The following INTU variants were observed in gnomAD, a reference collection of about 807,000 sequenced individuals.
INTU encodes the protein protein inturned.
Under a neutral mutation model 100.5 loss-of-function variants are expected in INTU, and 68 were observed. That is an observed-to-expected ratio of 0.68 (90% CI 0.56 to 0.83). The LOEUF is 0.83. Ranked by LOEUF, INTU falls within the 40% of genes least tolerant of loss-of-function variation. The probability of loss-of-function intolerance (pLI) is 0.00; values close to 1 mark genes in which losing one functional copy is unlikely to be tolerated. For synonymous variants in INTU, 357 were observed against 395.7 expected (o/e 0.90, Z 1.16); for missense variants, 1,071 against 1,114.7 (o/e 0.96, Z 0.56).
At position 127,700,013 on chromosome 4, in the gene INTU, G is replaced by C; in HGVS notation, c.1453G>C (p.Glu485Gln). Reference sequence around the variant, plus strand: ...TCTTTTTTTTTTTTTAACATAGATGGAATTAGACATGGCATTAAGTGACTT... The same window carrying C: ...TCTTTTTTTTTTTTTAACATAGATGCAATTAGACATGGCATTAAGTGACTT... The part of the protein sequence containing the change: ...WLTLPLEIKM[E>Q]LDMALSDLEA... Residue 485 changes from glutamate (E) to glutamine (Q), a missense_variant, in exon 9 of 16, where the codon GAA (glutamate) becomes CAA (glutamine). By Grantham distance (29) the Glu-to-Gln change is conservative. Transcript: ENST00000335251. 6.3e-7 allele frequency: 1 copy of C among 1,590,762 alleles called. No homozygotes were observed. Among genetic ancestry groups the C allele is most frequent in the Non-Finnish European group, 8.6e-7 (1 of 1,169,356 alleles).
chr4:127,683,534 G>T (rs576283431), intron 6 of INTU, among the ~76,000 whole-genome samples: 1 of 152,040 alleles, frequency 6.6e-6, no homozygotes, highest in African/African-American at 2.4e-5. Context: ...TTTTCTCCTC[G>T]TCCATCTCAG....
chr4:127,687,922 G>C, intron 8 of INTU, 55 bp downstream of exon 8: 1 of 1,170,902 alleles, frequency 8.5e-7, no homozygotes, highest in Non-Finnish European at 1.2e-6. Flanking sequence ...TTATAATCTT[G>C]TATCTTCTCT....
At position 127,633,134 on chromosome 4, in the gene INTU, C is replaced by T; in HGVS notation, c.100C>T (p.Arg34Trp). 1 of 1,613,968 alleles carries T rather than the reference C, an allele frequency of 6.2e-7. No individual in the cohort carries two copies. The highest frequency in any genetic ancestry group is 1.3e-5 in the African/African-American group (1 of 75,030). ...AGATGAGGACTATGATTTTGAAGAT[C>T]GGGTCAGCGACTCGGGTTCATATTC... ...EEDEDYDFED[R>W]VSDSGSYSSA... Residue 34 changes from arginine to tryptophan, a missense_variant, in exon 1 of 16, where the codon CGG becomes TGG. Arg to Trp is a moderately radical substitution (Grantham distance 101, BLOSUM62 -3). Transcript: ENST00000335251.
intron 9 of INTU, among the ~76,000 whole-genome samples, chr4:127,703,514 AT>A (rs2148729000): frequency 6.6e-6 from 1 of 152,272 alleles, no homozygotes; most frequent in South Asian, 2.1e-4. Context: ...TGGGGATGCT[AT>A]TTTTAACAAA....
chr4:127,683,345 T>C (rs1368993366), intron 6 of INTU, among the ~76,000 whole-genome samples: 2 of 152,210 alleles, frequency 1.3e-5, no homozygotes, highest in Non-Finnish European at 2.9e-5. Flanking sequence ...TCCAGATTAT[T>C]TTCCCTCTTC....
chr4:127,675,879 C>G (rs1729152254), intron 6 of INTU: 1 of 295,106 alleles, frequency 3.4e-6, no homozygotes, highest in African/African-American at 2.2e-5. Context: ...CACAATATTT[C>G]TAATTTCCAC....
At chr4:127,639,505 T>G (rs1468263410) in intron 1 of INTU, among the ~76,000 whole-genome samples, 1 of 152,190 alleles carries the variant, frequency 6.6e-6, no homozygotes, top group East Asian at 1.9e-4. Flanking sequence ...TTTTTGTGGG[T>G]TTTTTGTTGT....
At chr4:127,655,342 A>G (rs1436852401) in intron 2 of INTU, among the ~76,000 whole-genome samples, 1 of 151,276 alleles carries the variant, frequency 6.6e-6, no homozygotes, top group East Asian at 1.9e-4. Context: ...TTTTTTCCCC[A>G]TCTTTGTGGT....
chr4:127,704,024 T>C lies in INTU; in HGVS notation c.1504-204T>C, dbSNP rs144438581. On this transcript the variant is annotated intron_variant, in intron 9 of 15. Transcript: ENST00000335251. ...TCTCTAATCAAACATCTTAAAAGAA[T>C]GAAACATAAGGTTGTTCTCAGTGAA... 5.3e-3 allele frequency among the ~76,000 whole-genome samples: 809 copies of C among 152,318 alleles called. 6 individuals carry two copies. The highest frequency in any genetic ancestry group is 0.02 in the Middle Eastern group (6 of 294).
Position 127,706,775 on chromosome 4 carries a change from A to G in INTU, c.2077A>G (p.Arg693Gly), listed in dbSNP as rs745347777. 9 of 1,614,018 alleles carry G rather than the reference A, an allele frequency of 5.6e-6. 1 individual carries two copies. Among genetic ancestry groups the G allele is most frequent in the South Asian group, 3.3e-5 (3 of 91,090 alleles). ...TSKVATSPTC[R>G]RTLFGDYSLK... ...CAAAGTAGCAACTTCTCCAACATGCAGAAGAACGCTTTTTGGTGACTATTC... is the reference window on the plus strand; with the variant it reads ...CAAAGTAGCAACTTCTCCAACATGCGGAAGAACGCTTTTTGGTGACTATTC... Residue 693 changes from arginine to glycine, a missense_variant, in exon 12 of 16, where the codon AGA becomes GGA. Transcript: ENST00000335251.
At chr4:127,712,799 A>G (rs1348007802) in intron 14 of INTU, among the ~76,000 whole-genome samples, 1 of 152,208 alleles carries the variant, frequency 6.6e-6, no homozygotes, top group Non-Finnish European at 1.5e-5. Context: ...GCTGCAGAGC[A>G]TTACCGCCTG....
chr4:127,666,204 G>T (rs61039595), intron 4 of INTU, among the ~76,000 whole-genome samples: 1 of 151,950 alleles, frequency 6.6e-6, no homozygotes, highest in Admixed American at 6.6e-5. Context: ...TGATATCCCC[G>T]ATCGTCTCTT....
chr4:127,699,496 T>C (rs914696788), intron 8 of INTU: 2 of 152,196 alleles, frequency 1.3e-5, no homozygotes, highest in Admixed American at 6.5e-5. Context: ...ATGCAAAACG[T>C]TGTGTCCAGG....
chr4:127,726,102 T>C lies in INTU; in HGVS notation c.*9666T>C, dbSNP rs1560626816. 6.6e-6 allele frequency: 1 copy of C among 152,206 alleles called. No homozygotes were observed. The highest frequency in any genetic ancestry group is 2.4e-5 in the African/African-American group (1 of 41,456). The allele number at this position is 152,206 out of a possible 1,614,324, so 9.4% of individuals were successfully genotyped here. A position where few individuals can be genotyped will look rare whatever the true frequency, so the allele number is the denominator to read the frequency against. On this transcript the variant is annotated 3_prime_UTR_variant, in exon 16 of 16. Transcript: ENST00000335251. ...TTTAAAATATCAAATACTGTCTCATTATCATATGTTTAGCCCCCCCAAAAT... is the reference window on the plus strand; with the variant it reads ...TTTAAAATATCAAATACTGTCTCATCATCATATGTTTAGCCCCCCCAAAAT...
intron 7 of INTU, chr4:127,685,494 G>T (rs1236415668): frequency 2.2e-6 from 1 of 455,448 alleles, no homozygotes; most frequent in African/African-American, 2.0e-5. Context: ...TATCTAGTTT[G>T]CAGTGTTCTC....
chr4:127,722,392 T>C lies in INTU; in HGVS notation c.*5956T>C, dbSNP rs1731358805. 6.6e-6 allele frequency: 1 copy of C among 152,278 alleles called. No individual in the cohort carries two copies. Among genetic ancestry groups the C allele is most frequent in the African/African-American group, 2.4e-5 (1 of 41,464 alleles). 9.4% of individuals were successfully genotyped at this position (152,278 alleles called of 1,614,324 possible). On this transcript the variant is annotated 3_prime_UTR_variant, in exon 16 of 16. Transcript: ENST00000335251. ...CCGGAATGCTCCTGTATGAAGTGTC[T>C]GGAGACTCCTGTTGGGAGGTCTCAG...
At chr4:127,649,567 T>A (rs1004865186) in intron 2 of INTU, among the ~76,000 whole-genome samples, 2 of 152,046 alleles carry the variant, frequency 1.3e-5, no homozygotes, top group African/African-American at 2.4e-5. Flanking sequence ...AATCTGACAA[T>A]CCTAAATCCA....
In INTU at chr4:127,640,542, CATATATATATATATATATATATATATAT is replaced by C. The variant is rs869116277; in HGVS notation, c.147-2957_147-2930del. On this transcript the variant is annotated intron_variant, in intron 1 of 15. Coordinates refer to ENST00000335251, the MANE Select transcript of INTU (RefSeq NM_015693.4). Reference sequence around the variant, plus strand: ...TGGTATAGTCTTTTGGGTAAAGATACATATATATATATATATATATATATATATATATATATATATATATATATACATA... The same window carrying C: ...TGGTATAGTCTTTTGGGTAAAGATACATATATATATATATATATATACATA... 9.1e-4 allele frequency among the ~76,000 whole-genome samples: 49 copies of C among 53,638 alleles called. 1 individual carries two copies. Among genetic ancestry groups the C allele is most frequent in the African/African-American group, 2.3e-3 (26 of 11,374 alleles). The allele number at this position is 53,638 out of a possible 152,430, so 35.2% of individuals were successfully genotyped here. A position where few individuals can be genotyped will look rare whatever the true frequency, so the allele number is the denominator to read the frequency against.
At chr4:127,644,631 ATTCTGAATATATAT>A (rs1285401130) in intron 2 of INTU, among the ~76,000 whole-genome samples, 15 of 152,224 alleles carry the variant, frequency 9.9e-5, no homozygotes, top group Admixed American at 3.9e-4. Flanking sequence ...CCCACAAATT[ATTCTGAATATATAT>A]TAAGATGAAC....
Sources: gnomAD v4.1 joint callset for allele counts (sites outside exome capture counted in the v4.1 genomes callset) on GRCh38, gnomAD v4.1.1 for gene constraint, MANE v1.5 for transcripts, NCBI Gene and HGNC (gene_info 2026-07-23, HGNC 2026-07-21) for gene names.